The following C10orf143 variants were observed in gnomAD, a reference collection of about 807,000 sequenced individuals.
C10orf143 encodes the protein uncharacterized protein C10orf143.
chr10:130,079,104 T>C (rs1419126069), intron 3 of C10orf143, among the ~76,000 whole-genome samples: 1 of 152,206 alleles, frequency 6.6e-6, no homozygotes, highest in Non-Finnish European at 1.5e-5. Flanking sequence ...TGACCTCCCT[T>C]TACTTTGAAT....
chr10:130,101,874 A>AAAAC (rs1861561261), intron 1 of C10orf143, among the ~76,000 whole-genome samples: 9 of 141,288 alleles, frequency 6.4e-5, no homozygotes, highest in African/African-American at 1.6e-4. Flanking sequence ...CCAAAAAAAA[A>AAAAC]AAAAAAAAAA....
At chr10:130,107,631 C>T (rs773786410) in intron 1 of C10orf143, 94 of 1,335,312 alleles carry the variant, frequency 7.0e-5, no homozygotes, top group Non-Finnish European at 9.1e-5. Flanking sequence ...TCATCTGAAA[C>T]GAGAGCTTTT....
downstream of C10orf143, among the ~76,000 whole-genome samples, chr10:130,060,652 T>C (rs1008180310): frequency 6.7e-5 from 10 of 150,060 alleles, no homozygotes; most frequent in Admixed American, 2.7e-4. Flanking sequence ...TGAAACCCCA[T>C]CTCTACTAAA....
intron 3 of C10orf143, among the ~76,000 whole-genome samples, chr10:130,053,778 G>A (rs1037721942): frequency 7.9e-5 from 12 of 152,226 alleles, no homozygotes; most frequent in Admixed American, 2.6e-4. Context: ...GAAAGACAAG[G>A]AAGCTTTGTC....
At position 130,086,566 on chromosome 10, in the gene C10orf143, A is replaced by G. The variant is rs145566417; in HGVS notation, c.70-6665T>C. ...TCTCTGGTTATTCAGGATCTGCTCA[A>G]TCCTTACAGTGCAAAAGGAGGTGTG... On this transcript the variant is annotated intron_variant, in intron 1 of 3. Transcript: ENST00000637128. 2.4e-4 allele frequency among the ~76,000 whole-genome samples: 36 copies of G among 152,300 alleles called. 1 individual carries two copies. Among genetic ancestry groups the G allele is most frequent in the African/African-American group, 7.9e-4 (33 of 41,566 alleles).
chr10:130,037,789 T>G (rs1297291131), intron 3 of C10orf143, among the ~76,000 whole-genome samples: 2 of 152,196 alleles, frequency 1.3e-5, no homozygotes, highest in Non-Finnish European at 1.5e-5. Context: ...CACTGTGATC[T>G]TCATGAAGTG....
At chr10:130,082,842 G>A (rs1006515610) in intron 1 of C10orf143, among the ~76,000 whole-genome samples, 6 of 152,046 alleles carry the variant, frequency 3.9e-5, no homozygotes, top group African/African-American at 1.4e-4. Context: ...GAAAATACAA[G>A]TGAATTCTCT....
In C10orf143 at chr10:130,056,048, G is replaced by C. The variant is rs538579872; in HGVS notation, c.298-20078C>G. Among the ~76,000 whole-genome samples, 1 of 150,668 alleles carries C rather than the reference G, an allele frequency of 6.6e-6. No homozygotes were observed. Among genetic ancestry groups the C allele is most frequent in the Non-Finnish European group, 1.5e-5 (1 of 67,766 alleles). On this transcript the variant is annotated intron_variant and NMD_transcript_variant, in intron 3 of 5. Coordinates refer to the C10orf143 transcript ENST00000643056. The surrounding 1 kb of genome is among the most constrained non-coding windows in gnomAD (Gnocchi z 4.6). Reference sequence around the variant, plus strand: ...GATCATTTTAACTGAAAAATGCATTGGTGGCTGATGATTGTTAACTTTTTA... The same window carrying C: ...GATCATTTTAACTGAAAAATGCATTCGTGGCTGATGATTGTTAACTTTTTA...
chr10:130,108,154 A>G lies in C10orf143; in HGVS notation c.69+2550T>C, dbSNP rs538095331. The G allele has an allele frequency of 2.0e-5, 31 of 1,573,388 alleles. No homozygotes were observed. In the East Asian group the frequency reaches 2.5e-4, roughly 13 times the overall value. On this transcript the variant is annotated intron_variant, in intron 1 of 3. Coordinates refer to ENST00000637128, the MANE Select transcript of C10orf143 (RefSeq NM_001355042.2). ...CCCTAATCAGAGGTCCACTGTTTCC[A>G]GTGGATACAAGGGGCCCGTTCATGA...
chr10:130,045,891 C>T (rs1010895532), intron 3 of C10orf143, among the ~76,000 whole-genome samples: 6 of 152,162 alleles, frequency 3.9e-5, no homozygotes, highest in Admixed American at 6.5e-5. Context: ...GTGTGGAGAA[C>T]GTGCCTGCCA....
At chr10:130,079,462 T>C (rs1861169923) in intron 3 of C10orf143, 104 bp downstream of exon 3, 5 of 397,988 alleles carry the variant, frequency 1.3e-5, no homozygotes, top group Middle Eastern at 6.3e-4. Context: ...TGTTCCTCAT[T>C]CTTCAGAAAC....
At chr10:130,043,877 G>A (rs1204051274) in intron 3 of C10orf143, among the ~76,000 whole-genome samples, 1 of 152,226 alleles carries the variant, frequency 6.6e-6, no homozygotes, top group Non-Finnish European at 1.5e-5. Context: ...GAACCTACTT[G>A]TAGCTCGTCA....
At chr10:130,053,551 ATG>A (rs1860761265) in intron 3 of C10orf143, among the ~76,000 whole-genome samples, 1 of 152,204 alleles carries the variant, frequency 6.6e-6, no homozygotes, top group African/African-American at 2.4e-5. Flanking sequence ...GGCCCCAGGC[ATG>A]TGAGACCCCC....
At chr10:130,088,641 A>G (rs971978725) in intron 1 of C10orf143, among the ~76,000 whole-genome samples, 1 of 152,180 alleles carries the variant, frequency 6.6e-6, no homozygotes, top group East Asian at 1.9e-4. Flanking sequence ...AGTTTAGTTC[A>G]AGTCCTACCA....
intron 3 of C10orf143, among the ~76,000 whole-genome samples, chr10:130,053,768 G>C (rs1197063183): frequency 6.6e-6 from 1 of 152,232 alleles, no homozygotes; most frequent in Admixed American, 6.5e-5. Flanking sequence ...GAACCATCTG[G>C]AAAGACAAGG....
intron 1 of C10orf143, among the ~76,000 whole-genome samples, chr10:130,099,510 TTTTATTTATTTATTTA>T (rs140538908): frequency 0.63 from 93,843 of 148,492 alleles, 29,955 homozygotes; most frequent in Admixed American, 0.72. Flanking sequence ...CTTCTTTTAT[TTTTATTTATTTATTTA>T]TTTATTTATT....
chr10:130,078,228 T>G (rs940865553), intron 3 of C10orf143, among the ~76,000 whole-genome samples: 1 of 152,142 alleles, frequency 6.6e-6, no homozygotes, highest in Non-Finnish European at 1.5e-5. Flanking sequence ...AAGCCATTCA[T>G]GCCAGAACAC....
chr10:130,108,485 T>G, intron 1 of C10orf143: 1 of 741,886 alleles, frequency 1.3e-6, no homozygotes, highest in Non-Finnish European at 2.5e-6. Flanking sequence ...AAAGTAATTC[T>G]GACTGATCTC....
At chr10:130,092,069 A>G (rs1489164064) in intron 1 of C10orf143, among the ~76,000 whole-genome samples, 3 of 152,200 alleles carry the variant, frequency 2.0e-5, no homozygotes, top group African/African-American at 7.2e-5. Context: ...AGAGAACACC[A>G]CAAAGATACT....
Sources: allele counts gnomAD v4.1 joint callset (sites outside exome capture counted in the v4.1 genomes callset), GRCh38; gene constraint gnomAD v4.1.1; non-coding constraint Gnocchi (gnomAD v3.1); transcripts MANE v1.5; gene names NCBI Gene and HGNC (gene_info 2026-07-23, HGNC 2026-07-21).